UACA: variants seen among roughly 807,000 people sequenced by gnomAD.
UACA encodes nuclear membrane binding protein.
Under a neutral mutation model 160.5 loss-of-function variants are expected in UACA, and 112 were observed. The observed-to-expected ratio is 0.70, with a 90% CI of 0.60 to 0.82. UACA has a LOEUF of 0.82. Among genes scored for constraint, UACA ranks in the 40% least tolerant of loss-of-function variants. UACA has a pLI of 0.00. For synonymous variants in UACA, 557 were observed against 568.4 expected, an observed-to-expected ratio of 0.98 and a Z score of 0.29; for missense variants, 1,574 against 1,614.6, an observed-to-expected ratio of 0.97 and a Z score of 0.43.
chr15:70,745,191 G>T (rs2141005918), intron 1 of UACA, among the ~76,000 whole-genome samples: 1 of 152,198 alleles, frequency 6.6e-6, no homozygotes, highest in South Asian at 2.1e-4. Context: ...CAGCACTTTG[G>T]GATGCCGAGG....
At chr15:70,772,826 C>T in the UACA span, among the ~76,000 whole-genome samples, 12 of 152,092 alleles carry the variant, frequency 7.9e-5, no homozygotes, top group Admixed American at 4.6e-4. Context: ...TGGTGGCTCA[C>T]GCCTGTAATT....
chr15:70,673,143 T>C (rs1897193514), intron 13 of UACA, among the ~76,000 whole-genome samples: 1 of 151,770 alleles, frequency 6.6e-6, no homozygotes, highest in South Asian at 2.1e-4. Flanking sequence ...AAACATTAGC[T>C]GGGCAGGGTA....
chr15:70,760,624 T>C (rs1049209379), intron 1 of UACA, among the ~76,000 whole-genome samples: 6 of 151,946 alleles, frequency 3.9e-5, no homozygotes, highest in Middle Eastern at 3.2e-3. Context: ...CTGGACAACA[T>C]GGTGAAACCC....
chr15:70,718,665 A>G (rs983739862), intron 1 of UACA, among the ~76,000 whole-genome samples: 28 of 152,150 alleles, frequency 1.8e-4, no homozygotes, highest in Admixed American at 3.9e-4. Flanking sequence ...AGTGGGAAAT[A>G]TAAGTTTGTT....
chr15:70,726,385 TA>T (rs984146280), intron 1 of UACA, among the ~76,000 whole-genome samples: 6 of 151,500 alleles, frequency 4.0e-5, no homozygotes, highest in Non-Finnish European at 7.4e-5. Flanking sequence ...GGAAATTGTT[TA>T]AAAAAAAATG....
At chr15:70,744,387 A>T (rs1469162) in intron 1 of UACA, among the ~76,000 whole-genome samples, 1 of 151,896 alleles carries the variant, frequency 6.6e-6, no homozygotes, top group African/African-American at 2.4e-5. Flanking sequence ...TAAATCTAGC[A>T]GAAGGAAGGA....
chr15:70,722,474 C>T (rs28650244), intron 1 of UACA, among the ~76,000 whole-genome samples: 20,605 of 151,996 alleles, frequency 0.14, 1,714 homozygotes, highest in African/African-American at 0.23. Context: ...TGTGCCACCA[C>T]ACTGAGCTAA....
intron 2 of UACA, among the ~76,000 whole-genome samples, chr15:70,697,147 G>A (rs1476238490): frequency 3.3e-5 from 5 of 152,174 alleles, no homozygotes; most frequent in Non-Finnish European, 5.9e-5. Flanking sequence ...TGTTACTACT[G>A]AGGACAACTA....
chr15:70,709,169 A>T (rs1307235579), intron 1 of UACA, among the ~76,000 whole-genome samples: 3 of 152,232 alleles, frequency 2.0e-5, no homozygotes, highest in Non-Finnish European at 4.4e-5. Context: ...TATCAAATGA[A>T]AGCCTTCTAA....
At chr15:70,744,060 C>G (rs957112446) in intron 1 of UACA, among the ~76,000 whole-genome samples, 1 of 151,646 alleles carries the variant, frequency 6.6e-6, no homozygotes, top group Non-Finnish European at 1.5e-5. Context: ...CTGGCTAACA[C>G]GGTGAAACCC....
At chr15:70,690,957 T>G (rs1897913611) in intron 4 of UACA, among the ~76,000 whole-genome samples, 1 of 152,198 alleles carries the variant, frequency 6.6e-6, no homozygotes, top group Non-Finnish European at 1.5e-5. Context: ...TATTATGTAG[T>G]ATAAGTTATC....
chr15:70,662,811 G>A (rs886161045), intron 17 of UACA, among the ~76,000 whole-genome samples: 28 of 152,082 alleles, frequency 1.8e-4, no homozygotes, highest in Non-Finnish European at 2.1e-4. Context: ...CTAGCCATAC[G>A]CAGAAAGCTG....
chr15:70,660,394 C>A (rs966803465), intron 17 of UACA, 178 bp from the exon 18 acceptor site: 2 of 532,616 alleles, frequency 3.8e-6, no homozygotes, highest in Non-Finnish European at 6.7e-6. Flanking sequence ...ACAATATAAA[C>A]TTCTGTAAAG....
chr15:70,660,230 A>T lies in UACA; in HGVS notation c.4114-14T>A, dbSNP rs1311971469. Reference sequence around the variant, plus strand: ...TCTGTCAGCATCCTAGAAATGTGGAAAGATGGACAGATGTGACTATCAGCG... The same window carrying T: ...TCTGTCAGCATCCTAGAAATGTGGATAGATGGACAGATGTGACTATCAGCG... On this transcript the variant is annotated splice_polypyrimidine_tract_variant and intron_variant, in intron 17 of 18. Transcript: ENST00000322954. 6.2e-7 allele frequency: 1 copy of T among 1,611,278 alleles called. No individual in the cohort carries two copies. The highest frequency in any genetic ancestry group is 8.5e-7 in the Non-Finnish European group (1 of 1,177,924).
At chr15:70,685,249 A>G (rs1897668316) in intron 7 of UACA, among the ~76,000 whole-genome samples, 2 of 152,202 alleles carry the variant, frequency 1.3e-5, no homozygotes, top group African/African-American at 2.4e-5. Context: ...ATCATGCAAC[A>G]AAATAATTGT....
At position 70,667,086 on chromosome 15, in the gene UACA, C is replaced by T; in HGVS notation, c.3598G>A (p.Glu1200Lys). The change falls in exon 16 of 19, where the codon GAA becomes AAA. Residue 1200 changes from glutamate (E) to lysine (K), a missense_variant. Transcript: ENST00000322954. The stretch of plus-strand genomic sequence containing the variant: ...ACCTCCGACTGAAGTTTGGAGACTT[C>T]TTCCATTTTGTTTTGGCTTTCTTCT... ...KEEESQNKME[E>K]VSKLQSEVQN... is the part of the protein sequence containing the mutation. The T allele has an allele frequency of 6.2e-7, 1 of 1,613,066 alleles. No individual in the cohort carries two copies. The highest frequency in any genetic ancestry group is 1.7e-4 in the Middle Eastern group (1 of 6,056).
chr15:70,715,126 C>T (rs538308241), intron 1 of UACA, among the ~76,000 whole-genome samples: 4 of 152,146 alleles, frequency 2.6e-5, no homozygotes, highest in Non-Finnish European at 5.9e-5. Context: ...GTGTATTCGA[C>T]AAGAGTTCTT....
At chr15:70,739,785 T>C (rs1293691887) in intron 1 of UACA, among the ~76,000 whole-genome samples, 1 of 152,190 alleles carries the variant, frequency 6.6e-6, no homozygotes, top group Non-Finnish European at 1.5e-5. Context: ...ATGTGGTGTA[T>C]ATATAAGCCC....
At chr15:70,681,936 GGAT>G (rs1313834359) in intron 9 of UACA, 3 of 152,152 alleles carry the variant, frequency 2.0e-5, no homozygotes, top group Non-Finnish European at 4.4e-5. Context: ...AAATGACACA[GGAT>G]GATGATCAGA....
Sources: gnomAD v4.1 joint callset for allele counts (sites outside exome capture counted in the v4.1 genomes callset) on GRCh38, gnomAD v4.1.1 for gene constraint, MANE v1.5 for transcripts, NCBI Gene and HGNC (gene_info 2026-07-23, HGNC 2026-07-21) for gene names.